ELP4: variants seen among roughly 807,000 people sequenced by gnomAD.
ELP4 encodes the protein elongator acetyltransferase complex subunit 4, also known as elongator complex protein 4.
Under a neutral mutation model 48.9 loss-of-function variants are expected in ELP4, and 51 were observed. That is an observed-to-expected ratio of 1.04 (90% CI 0.83 to 1.32). ELP4 has a LOEUF of 1.32. ELP4 is among the 40% of genes most tolerant of loss of function. The probability of loss-of-function intolerance (pLI) is 0.00; values close to 1 mark genes in which losing one functional copy is unlikely to be tolerated. For synonymous variants in ELP4, 210 were observed against 189.2 expected (o/e 1.11, Z -0.90); for missense variants, 519 against 514.6 (o/e 1.01, Z -0.08).
chr11:31,763,664 C>A, intron 9 of ELP4: 1 of 1,056,030 alleles, frequency 9.5e-7, no homozygotes, highest in Non-Finnish European at 1.3e-6. Context: ...GCTATTTAAT[C>A]ACCTTTTTAC....
At chr11:31,735,655 A>C (rs1348969358) in intron 9 of ELP4, among the ~76,000 whole-genome samples, 7 of 152,180 alleles carry the variant, frequency 4.6e-5, no homozygotes, top group African/African-American at 1.2e-4. Context: ...ATGTACAAAA[A>C]TCACAAGCAT....
chr11:31,545,395 T>G (rs1956683080), intron 3 of ELP4, among the ~76,000 whole-genome samples: 1 of 151,754 alleles, frequency 6.6e-6, no homozygotes, highest in African/African-American at 2.4e-5. Flanking sequence ...CGATGGAAGA[T>G]GAAATGAATA....
intron 3 of ELP4, among the ~76,000 whole-genome samples, chr11:31,575,363 T>C (rs544202315): frequency 8.5e-5 from 13 of 152,258 alleles, no homozygotes; most frequent in Non-Finnish European, 7.4e-5. Flanking sequence ...TGGAAAACAC[T>C]CTGCAGGATA....
intron 9 of ELP4, among the ~76,000 whole-genome samples, chr11:31,777,284 C>A (rs1305404611): frequency 1.3e-5 from 2 of 152,106 alleles, no homozygotes; most frequent in African/African-American, 4.8e-5. Context: ...CTCCTTGTGA[C>A]CCTGAAAGGA....
rs3026403 is a variant in ELP4, at chr11:31,783,498, G to A, written c.1249G>A (p.Gly417Arg). ...GGGCCCAGGCTGTGGCATGATGGCC[G>A]GAGGCAAGAAGCACCTGGACTTCTA... ...RLGPGCGMMAGGKKHLDF is the reference protein window; with the variant it reads ...RLGPGCGMMARGKKHLDF The change falls in exon 10 of 10, where the codon GGA (glycine) becomes AGA (arginine). Residue 417 changes from glycine to arginine, a missense_variant. Transcript: ENST00000640961. 26 of 1,613,876 alleles carry A rather than the reference G, an allele frequency of 1.6e-5. No homozygotes were observed. Among genetic ancestry groups the A allele is most frequent in the Middle Eastern group, 1.6e-4 (1 of 6,072 alleles).
At chr11:31,719,484 G>C (rs1946912328) in intron 9 of ELP4, 1 of 398,112 alleles carries the variant, frequency 2.5e-6, no homozygotes, top group South Asian at 1.3e-4. Context: ...ATTGGAGGAA[G>C]AGTCTGTGGT....
chr11:31,531,269 C>T (rs78417386), intron 2 of ELP4, among the ~76,000 whole-genome samples: 4,032 of 152,144 alleles, frequency 0.027, 168 homozygotes, highest in African/African-American at 0.092. Context: ...AAGACAAGAT[C>T]GATTTTTGTT....
chr11:31,629,967 A>G (rs1944824880), intron 6 of ELP4, among the ~76,000 whole-genome samples: 1 of 152,010 alleles, frequency 6.6e-6, no homozygotes, highest in African/African-American at 2.4e-5. Flanking sequence ...ATCTTACACT[A>G]ATTCACCAGA....
intron 3 of ELP4, among the ~76,000 whole-genome samples, chr11:31,540,817 C>T (rs1184865366): frequency 6.6e-6 from 1 of 152,118 alleles, no homozygotes; most frequent in Non-Finnish European, 1.5e-5. Context: ...AGGTATAAAT[C>T]AGAAGAATCA....
chr11:31,626,974 A>G (rs1001860110), intron 5 of ELP4, 136 bp from the exon 6 acceptor site: 7 of 547,340 alleles, frequency 1.3e-5, no homozygotes, highest in Non-Finnish European at 2.0e-5. Flanking sequence ...TTAGGATTAT[A>G]TAATACTGTT....
chr11:31,545,465 C>G (rs1438190154), intron 3 of ELP4, among the ~76,000 whole-genome samples: 3 of 151,942 alleles, frequency 2.0e-5, no homozygotes, highest in African/African-American at 7.3e-5. Flanking sequence ...ACAAAGCCTC[C>G]AAGAAATATG....
intron 7 of ELP4, among the ~76,000 whole-genome samples, chr11:31,642,594 T>G (rs1473420358): frequency 6.6e-6 from 1 of 151,896 alleles, no homozygotes; most frequent in Non-Finnish European, 1.5e-5. Context: ...TATATGATGC[T>G]AGGCAGATAA....
intron 1 of ELP4, among the ~76,000 whole-genome samples, chr11:31,517,849 ACCTCATGATCCACCC>A (rs895539375): frequency 6.6e-6 from 1 of 151,344 alleles, no homozygotes; most frequent in Non-Finnish European, 1.5e-5. Context: ...CGAGCTCCTG[ACCTCATGATCCACCC>A]GTATTGGCCT....
chr11:31,521,396 C>G (rs534814640), intron 2 of ELP4, among the ~76,000 whole-genome samples: 55 of 152,026 alleles, frequency 3.6e-4, no homozygotes, highest in Middle Eastern at 3.4e-3. Context: ...GGTAGTTTTC[C>G]CACTATTCCA....
At chr11:31,584,661 G>A (rs1162260565) in intron 3 of ELP4, among the ~76,000 whole-genome samples, 8 of 151,992 alleles carry the variant, frequency 5.3e-5, no homozygotes, top group Non-Finnish European at 8.8e-5. Context: ...CCAAGTAGCT[G>A]GGATTACACG....
intron 9 of ELP4, among the ~76,000 whole-genome samples, chr11:31,751,538 G>C (rs776925496): frequency 1.3e-5 from 2 of 151,896 alleles, no homozygotes; most frequent in African/African-American, 2.4e-5. Flanking sequence ...GGGAAGATGA[G>C]GAAAAAAACA....
chr11:31,559,646 G>A (rs1021230077), intron 3 of ELP4, among the ~76,000 whole-genome samples: 1 of 152,156 alleles, frequency 6.6e-6, no homozygotes, highest in Non-Finnish European at 1.5e-5. Flanking sequence ...GCTCACCCCT[G>A]TAATCCTAGC....
intron 7 of ELP4, among the ~76,000 whole-genome samples, chr11:31,636,403 T>C (rs1031362330): frequency 2.0e-5 from 3 of 151,972 alleles, no homozygotes; most frequent in Admixed American, 2.0e-4. Flanking sequence ...AAAGGTACTT[T>C]GTATAAAATA....
At chr11:31,700,644 A>C (rs1481030841) in intron 9 of ELP4, among the ~76,000 whole-genome samples, 1 of 152,118 alleles carries the variant, frequency 6.6e-6, no homozygotes, top group Non-Finnish European at 1.5e-5. Context: ...CTTGGAAGAC[A>C]GCTGGAAAAG....
Sources: allele counts gnomAD v4.1 joint callset (sites outside exome capture counted in the v4.1 genomes callset), GRCh38; gene constraint gnomAD v4.1.1; transcripts MANE v1.5; gene names NCBI Gene and HGNC (gene_info 2026-07-23, HGNC 2026-07-21).